AHI1: variants seen among roughly 807,000 people sequenced by gnomAD.
The protein encoded by AHI1 is Abelson helper integration site 1, also known as jouberin.
A neutral mutation model predicts 149.3 loss-of-function variants in AHI1; 123 were observed. The ratio of observed to expected loss-of-function variants is 0.82; its 90% confidence interval spans 0.71 to 0.96. The LOEUF (loss-of-function observed/expected upper bound fraction) is 0.96, where lower values mean the gene tolerates loss of function less well. Among genes scored for constraint, AHI1 ranks in the 40% least tolerant of loss-of-function variants. AHI1 has a pLI of 0.00. For missense variants in AHI1, 1,439 were observed against 1,422.7 expected, an observed-to-expected ratio of 1.01 and a Z score of -0.18; for synonymous variants, 475 against 459.8, an observed-to-expected ratio of 1.03 and a Z score of -0.42.
chr6:135,336,112 T>TA (rs57344793), intron 24 of AHI1, among the ~76,000 whole-genome samples: 916 of 76,290 alleles, frequency 0.012, 12 homozygotes, highest in African/African-American at 0.028. Flanking sequence ...AAACTCCGTC[T>TA]AAAAAAAAAA....
At chr6:135,426,553 G>A (rs893958253) in intron 20 of AHI1, among the ~76,000 whole-genome samples, 2 of 151,588 alleles carry the variant, frequency 1.3e-5, no homozygotes, top group African/African-American at 2.4e-5. Flanking sequence ...AAATAGAAAT[G>A]CAATTTTGAG....
At chr6:135,291,458 G>A (rs9494211) in intron 27 of AHI1, among the ~76,000 whole-genome samples, 16,719 of 152,108 alleles carry the variant, frequency 0.11, 2,179 homozygotes, top group African/African-American at 0.31. Flanking sequence ...AAACCAGAGC[G>A]TGCTCTTTTT....
At chr6:135,425,498 T>G (rs1206494142) in intron 20 of AHI1, among the ~76,000 whole-genome samples, 4 of 151,904 alleles carry the variant, frequency 2.6e-5, no homozygotes, top group Non-Finnish European at 5.9e-5. Flanking sequence ...TGGATGGGCA[T>G]AACAACCCAT....
chr6:135,419,951 T>TCTTC (rs1256382213), intron 20 of AHI1, among the ~76,000 whole-genome samples: 1 of 152,076 alleles, frequency 6.6e-6, no homozygotes. Flanking sequence ...GTTCACAGCG[T>TCTTC]CTTCACCAGG....
intron 10 of AHI1, among the ~76,000 whole-genome samples, chr6:135,454,464 C>A (rs1171723672): frequency 6.6e-6 from 1 of 152,012 alleles, no homozygotes; most frequent in African/African-American, 2.4e-5. Flanking sequence ...GTTATTTTAT[C>A]TCCCTAAAAT....
chr6:135,418,623 C>T (rs894595165), intron 20 of AHI1, among the ~76,000 whole-genome samples: 1 of 152,020 alleles, frequency 6.6e-6, no homozygotes, highest in Non-Finnish European at 1.5e-5. Flanking sequence ...GCTATTATTA[C>T]AATCTATGTA....
intron 15 of AHI1, chr6:135,435,204 C>T (rs1785221473): frequency 6.6e-6 from 1 of 152,176 alleles, no homozygotes; most frequent in African/African-American, 2.4e-5. Flanking sequence ...ACATGCTTCT[C>T]TTTTCACTCA....
intron 23 of AHI1, among the ~76,000 whole-genome samples, chr6:135,384,040 G>A (rs1032384775): frequency 2.6e-5 from 4 of 152,218 alleles, no homozygotes; most frequent in East Asian, 1.9e-4. Context: ...ATTATGTTCC[G>A]ATAAAGTAGC....
chr6:135,358,048 T>G (rs1793261846), intron 24 of AHI1, 84 bp downstream of exon 24: 3 of 1,285,832 alleles, frequency 2.3e-6, no homozygotes, highest in East Asian at 4.9e-5. Flanking sequence ...TTTTAAGAGT[T>G]TTCTACAATG....
chr6:135,491,273 C>T (rs1489545517), intron 4 of AHI1, among the ~76,000 whole-genome samples: 1 of 152,144 alleles, frequency 6.6e-6, no homozygotes, highest in Non-Finnish European at 1.5e-5. Context: ...CTTTTATATG[C>T]CCTACAGGGC....
intron 23 of AHI1, among the ~76,000 whole-genome samples, chr6:135,362,323 G>C (rs1794026664): frequency 6.6e-6 from 1 of 152,062 alleles, no homozygotes; most frequent in South Asian, 2.1e-4. Flanking sequence ...GGGATTGCTG[G>C]AGCAAAAGCG....
At chr6:135,299,334 C>T (rs1040543812) in intron 27 of AHI1, among the ~76,000 whole-genome samples, 2 of 152,168 alleles carry the variant, frequency 1.3e-5, no homozygotes, top group African/African-American at 4.8e-5. Context: ...AATTTTTGTA[C>T]TGGAAGAGAC....
intron 26 of AHI1, among the ~76,000 whole-genome samples, chr6:135,310,647 T>C (rs946044657): frequency 6.6e-6 from 1 of 152,242 alleles, no homozygotes; most frequent in Non-Finnish European, 1.5e-5. Flanking sequence ...CTATAATAGA[T>C]ATTTTTATAA....
At chr6:135,425,389 A>G (rs1783782302) in intron 20 of AHI1, among the ~76,000 whole-genome samples, 1 of 151,936 alleles carries the variant, frequency 6.6e-6, no homozygotes. Context: ...CCAACAGAGT[A>G]AAAGAGAGGA....
At chr6:135,471,147 A>G (rs1201979297) in intron 5 of AHI1, among the ~76,000 whole-genome samples, 1 of 152,226 alleles carries the variant, frequency 6.6e-6, no homozygotes, top group African/African-American at 2.4e-5. Context: ...AAGAATTAGA[A>G]AGAGAAGAAA....
chr6:135,325,047 G>C (rs920929737), intron 24 of AHI1, among the ~76,000 whole-genome samples: 8 of 144,250 alleles, frequency 5.5e-5, no homozygotes, highest in Non-Finnish European at 9.0e-5. Flanking sequence ...TTTTTTTTGA[G>C]ATGGAGTCTG....
At chr6:135,333,600 C>T (rs1337830872) in intron 24 of AHI1, among the ~76,000 whole-genome samples, 1 of 152,174 alleles carries the variant, frequency 6.6e-6, no homozygotes, top group East Asian at 1.9e-4. Context: ...ATGATCTGTT[C>T]CTATCTTGCT....
At chr6:135,291,661 C>A (rs1782370367) in intron 27 of AHI1, among the ~76,000 whole-genome samples, 1 of 151,940 alleles carries the variant, frequency 6.6e-6, no homozygotes, top group South Asian at 2.1e-4. Context: ...CCTGAATAGA[C>A]TAATGAAGAA....
intron 23 of AHI1, among the ~76,000 whole-genome samples, chr6:135,367,774 C>T (rs958722790): frequency 5.9e-5 from 9 of 152,030 alleles, no homozygotes; most frequent in Non-Finnish European, 1.0e-4. Context: ...TAAAAAATTT[C>T]TTTAAGTTGG....
Sources: allele counts gnomAD v4.1 joint callset (sites outside exome capture counted in the v4.1 genomes callset), GRCh38; gene constraint gnomAD v4.1.1; transcripts MANE v1.5; gene names NCBI Gene and HGNC (gene_info 2026-07-23, HGNC 2026-07-21).